CRK: variants seen among roughly 807,000 people sequenced by gnomAD.
The protein encoded by CRK is CRK proto-oncogene, adaptor protein.
Under a neutral mutation model 29.8 loss-of-function variants are expected in CRK, and 4 were observed. The observed-to-expected ratio is 0.13, with a 90% CI of 0.07 to 0.31. The LOEUF is 0.31. CRK is among the 10% of genes least tolerant of loss of function. The pLI, the probability that CRK is intolerant of heterozygous loss-of-function variation, is 1.00. For synonymous variants in CRK, 153 were observed against 164.9 expected, an observed-to-expected ratio of 0.93 and a Z score of 0.55; for missense variants, 274 against 396.5, an observed-to-expected ratio of 0.69 and a Z score of 2.62.
intron 2 of CRK, among the ~76,000 whole-genome samples, chr17:1,424,316 T>C (rs1359853024): frequency 6.6e-6 from 1 of 152,060 alleles, no homozygotes; most frequent in African/African-American, 2.4e-5. Flanking sequence ...CCACCTGCCT[T>C]GGCCTCCCAA....
intron 2 of CRK, among the ~76,000 whole-genome samples, chr17:1,427,931 C>G (rs1008575478): frequency 1.3e-5 from 2 of 151,872 alleles, no homozygotes; most frequent in Non-Finnish European, 2.9e-5. Context: ...CCGCGCCCAG[C>G]CTATATTGTC....
At chr17:1,436,258 T>C (rs1162570938) in intron 2 of CRK, among the ~76,000 whole-genome samples, 1 of 152,120 alleles carries the variant, frequency 6.6e-6, no homozygotes, top group Admixed American at 6.6e-5. Context: ...TACACTCAAA[T>C]CCATCTGAAC....
At position 1,436,996 on chromosome 17, in the gene CRK, G is replaced by A. The variant is rs772107356; in HGVS notation, c.401C>T (p.Ala134Val). The change falls in exon 2 of 3, where the codon GCG (alanine) becomes GTG (valine). Residue 134 changes from alanine (A) to valine (V), a missense_variant. By Grantham distance (64) the Ala-to-Val change is moderately conservative (BLOSUM62 0). Around this residue, in one of 3 missense-constraint regions of CRK, gnomAD observed 135 missense variants for 180.9 expected, o/e 0.75. Transcript: ENST00000300574. ...GTCAAAGAGGGCTCGCACATACTCC[G>A]CCTCCTCCTGCCTGAGAATCACTCC... ...GSGVILRQEEAEYVRALFDFN... is the reference protein window; with the variant it reads ...GSGVILRQEEVEYVRALFDFN... 69 of 1,613,854 alleles carry A rather than the reference G, an allele frequency of 4.3e-5. No homozygotes were observed. Among genetic ancestry groups the A allele is most frequent in the Non-Finnish European group, 5.4e-5 (64 of 1,180,020 alleles).
chr17:1,442,746 A>G (rs2073945062), intron 1 of CRK, among the ~76,000 whole-genome samples: 1 of 149,580 alleles, frequency 6.7e-6, no homozygotes, highest in Non-Finnish European at 1.5e-5. Flanking sequence ...TAGCTGGGAT[A>G]CAGGTGTGTG....
At chr17:1,431,220 C>T (rs923930132) in intron 2 of CRK, among the ~76,000 whole-genome samples, 6 of 152,132 alleles carry the variant, frequency 3.9e-5, no homozygotes, top group Admixed American at 6.6e-5. Context: ...CCACATGTGG[C>T]CTTAGGTCTT....
chr17:1,448,350 C>A (rs2073990841), intron 1 of CRK, among the ~76,000 whole-genome samples: 1 of 151,984 alleles, frequency 6.6e-6, no homozygotes, highest in Non-Finnish European at 1.5e-5. Flanking sequence ...AGAGGCTGGG[C>A]GTGGGGGTTC....
At chr17:1,449,382 C>T (rs774572032) in intron 1 of CRK, among the ~76,000 whole-genome samples, 1 of 152,178 alleles carries the variant, frequency 6.6e-6, no homozygotes, top group Admixed American at 6.6e-5. Flanking sequence ...AAAGCCCCCA[C>T]ACCTCAGTTA....
chr17:1,448,634 A>AG (rs1248247828), intron 1 of CRK, among the ~76,000 whole-genome samples: 1 of 146,174 alleles, frequency 6.8e-6, no homozygotes, highest in Non-Finnish European at 1.5e-5. Flanking sequence ...AAAAAAAAAA[A>AG]AAAAAAAAGA....
At chr17:1,438,818 T>C (rs1253347641) in intron 1 of CRK, among the ~76,000 whole-genome samples, 1 of 151,020 alleles carries the variant, frequency 6.6e-6, no homozygotes, top group East Asian at 1.9e-4. Context: ...ACAAAACGAG[T>C]AAATTCAAAC....
Position 1,422,813 on chromosome 17 carries a change from T to TA in CRK, c.*699dup, listed in dbSNP as rs980920754. Reference sequence around the variant, plus strand: ...CACTGGCTTAAAGCTATGCACTGAATAAAGTGCTCGGTACATCCTGCTTTT... The same window carrying TA: ...CACTGGCTTAAAGCTATGCACTGAATAAAAGTGCTCGGTACATCCTGCTTTT... On this transcript the variant is annotated 3_prime_UTR_variant, in exon 3 of 3. Transcript: ENST00000300574. 3.3e-5 allele frequency: 13 copies of TA among 397,844 alleles called. No homozygotes were observed. The highest frequency in any genetic ancestry group is 5.3e-5 in the Non-Finnish European group (12 of 225,944). 24.6% of individuals were successfully genotyped at this position (397,844 alleles called of 1,614,324 possible).
chr17:1,451,191 T>TAAAAAAAAA (rs2074014960), intron 1 of CRK, among the ~76,000 whole-genome samples: 1 of 9,818 alleles, frequency 1.0e-4, no homozygotes, highest in Non-Finnish European at 1.9e-4. Flanking sequence ...AGAAACTGTC[T>TAAAAAAAAA]CAAAAAAAAA....
chr17:1,434,463 A>G (rs967811726), intron 2 of CRK, among the ~76,000 whole-genome samples: 26 of 152,132 alleles, frequency 1.7e-4, no homozygotes, highest in African/African-American at 4.8e-4. Flanking sequence ...CACATAGTAC[A>G]TATGTTTTAG....
chr17:1,446,312 C>T (rs369396760), intron 1 of CRK, among the ~76,000 whole-genome samples: 1 of 152,136 alleles, frequency 6.6e-6, no homozygotes, highest in South Asian at 2.1e-4. Context: ...TGAGATACAA[C>T]AGAATCGCCA....
intron 2 of CRK, chr17:1,426,367 A>G (rs1208986049): frequency 6.6e-6 from 1 of 152,198 alleles, no homozygotes; most frequent in Non-Finnish European, 1.5e-5. Flanking sequence ...ACAGGTAACA[A>G]TCCTCACAGG....
chr17:1,436,304 G>T (rs1289865724), intron 2 of CRK, among the ~76,000 whole-genome samples: 1 of 152,140 alleles, frequency 6.6e-6, no homozygotes, highest in Non-Finnish European at 1.5e-5. Flanking sequence ...CAGAAAGCAA[G>T]AAACAGATGA....
chr17:1,423,026 C>A lies in CRK; in HGVS notation c.*487G>T. The A allele has an allele frequency of 2.5e-6, 1 of 399,846 alleles. No individual in the cohort carries two copies. The highest frequency in any genetic ancestry group is 1.3e-4 in the South Asian group (1 of 7,896). 24.8% of individuals were successfully genotyped at this position (399,846 alleles called of 1,614,324 possible). On this transcript the variant is annotated 3_prime_UTR_variant, in exon 3 of 3. Transcript: ENST00000300574. Reference sequence around the variant, plus strand: ...ATGTCAGAATGAGTCACACGCTGGTCATGCTCCATACAATGAAAGCAATCC... The same window carrying A: ...ATGTCAGAATGAGTCACACGCTGGTAATGCTCCATACAATGAAAGCAATCC...
At chr17:1,430,626 A>T (rs1490270865) in intron 2 of CRK, among the ~76,000 whole-genome samples, 2 of 150,194 alleles carry the variant, frequency 1.3e-5, no homozygotes, top group African/African-American at 4.9e-5. Context: ...TGGCCTCCCA[A>T]AGTGCTGGGA....
intron 1 of CRK, among the ~76,000 whole-genome samples, chr17:1,452,739 A>G (rs767626345): frequency 8.5e-5 from 13 of 152,080 alleles, no homozygotes; most frequent in Non-Finnish European, 1.9e-4. Flanking sequence ...GCAGTGGGCC[A>G]ATATCGCGCC....
intron 1 of CRK, among the ~76,000 whole-genome samples, chr17:1,445,430 G>C (rs1279159610): frequency 6.6e-6 from 1 of 152,276 alleles, no homozygotes; most frequent in East Asian, 1.9e-4. Context: ...GCGAGTGCCA[G>C]GACTGTCCTC....
Sources: allele counts gnomAD v4.1 joint callset (sites outside exome capture counted in the v4.1 genomes callset), GRCh38; gene constraint gnomAD v4.1.1; regional missense constraint gnomAD v4.1.1; transcripts MANE v1.5; gene names NCBI Gene and HGNC (gene_info 2026-07-23, HGNC 2026-07-21).